ANK3: variants seen among roughly 807,000 people sequenced by gnomAD.
ANK3 encodes ankyrin 3.
Under a neutral mutation model 370.9 loss-of-function variants are expected in ANK3, and 57 were observed. That is an observed-to-expected ratio of 0.15 (90% confidence interval 0.12 to 0.19). The LOEUF (loss-of-function observed/expected upper bound fraction) is 0.19. Among genes scored for constraint, ANK3 ranks in the 10% least tolerant of loss-of-function variants. ANK3 has a pLI of 1.00. For missense variants in ANK3, 4,439 were observed against 5,302.1 expected (o/e 0.84, Z 5.06); for synonymous variants, 1,929 against 1,946.3 (o/e 0.99, Z 0.23).
intron 41 of ANK3, among the ~76,000 whole-genome samples, chr10:60,057,684 G>A (rs2079485248): frequency 6.6e-6 from 1 of 152,110 alleles, no homozygotes; most frequent in African/African-American, 2.4e-5. Flanking sequence ...ATGGAACCAG[G>A]GGATTCACTA....
chr10:60,257,756 T>C (rs986847927), intron 7 of ANK3, among the ~76,000 whole-genome samples: 3 of 152,210 alleles, frequency 2.0e-5, no homozygotes, highest in Non-Finnish European at 4.4e-5. Context: ...CTGTATATTT[T>C]AATCTGTAAA....
chr10:60,416,957 G>A (rs1321088787), intron 2 of ANK3, among the ~76,000 whole-genome samples: 1 of 152,108 alleles, frequency 6.6e-6, no homozygotes, highest in East Asian at 1.9e-4. Context: ...AGAGAAAATT[G>A]TACCAAGAAT....
In ANK3 at chr10:60,173,413, A is replaced by C. The variant is rs113016830; in HGVS notation, c.2185-227T>G. ...AATTGTTAGCTCCCCAAAGTGCTTT[A>C]TTTTTTATCAGGTCATCTTGTTCTT... On this transcript the variant is annotated intron_variant, in intron 18 of 43. Transcript: ENST00000280772. Among the ~76,000 whole-genome samples the C allele has an allele frequency of 1.3e-3, 203 of 152,256 alleles. 2 individuals carry two copies. The highest frequency in any genetic ancestry group is 4.5e-3 in the African/African-American group (185 of 41,558).
chr10:60,354,632 C>T (rs1439497473), intron 1 of ANK3, among the ~76,000 whole-genome samples: 1 of 152,082 alleles, frequency 6.6e-6, no homozygotes, highest in Non-Finnish European at 1.5e-5. Flanking sequence ...CTTGCAAATC[C>T]CAGAAATAAA....
chr10:60,464,016 T>A (rs1203389815), intron 2 of ANK3, among the ~76,000 whole-genome samples: 1 of 152,144 alleles, frequency 6.6e-6, no homozygotes, highest in Non-Finnish European at 1.5e-5. Flanking sequence ...CTGAAAAGAT[T>A]AGCATTGTTT....
chr10:60,139,165 G>A (rs1012422913), intron 23 of ANK3, 78 bp from the exon 24 acceptor site: 6 of 1,535,750 alleles, frequency 3.9e-6, no homozygotes, highest in African/African-American at 2.8e-5. Flanking sequence ...CACTCCTTTG[G>A]TTATCAGCAA....
At chr10:60,249,983 T>C (rs529337166) in intron 7 of ANK3, among the ~76,000 whole-genome samples, 3 of 152,374 alleles carry the variant, frequency 2.0e-5, no homozygotes, top group Admixed American at 1.3e-4. Flanking sequence ...ATCTATAAAA[T>C]TGTATATTTT....
Position 60,069,953 on chromosome 10 carries a change from G to A in ANK3, c.10928C>T (p.Ser3643Leu), listed in dbSNP as rs765024639. ...TTTATCCCCTTCCCCCTGGTCCCCT[G>A]ACTTCCCTTCAGAAGTATGCTCACC... is the stretch of plus-strand genomic sequence containing the variant. ...QIGEHTSEGK[S>L]GDQGEGDKSM... The change falls in exon 37 of 44, where the codon TCA (serine) becomes TTA (leucine). Residue 3643 changes from serine (S) to leucine (L), a missense_variant. Ser to Leu is a moderately radical substitution (Grantham distance 145). Coordinates refer to ENST00000280772, the MANE Select transcript of ANK3 (RefSeq NM_020987.5). 2.5e-6 allele frequency: 4 copies of A among 1,613,960 alleles called. No individual in the cohort carries two copies. The highest frequency in any genetic ancestry group is 1.6e-4 in the Middle Eastern group (1 of 6,080).
intron 1 of ANK3, among the ~76,000 whole-genome samples, chr10:60,378,635 AC>A (rs1566935415): frequency 6.6e-6 from 1 of 152,146 alleles, no homozygotes; most frequent in Non-Finnish European, 1.5e-5. Context: ...GGAAAATTGT[AC>A]ATCCATATGC....
At chr10:60,198,749 T>C (rs1313308247) in intron 13 of ANK3, among the ~76,000 whole-genome samples, 1 of 152,182 alleles carries the variant, frequency 6.6e-6, no homozygotes, top group African/African-American at 2.4e-5. Context: ...AGTGACTCAT[T>C]AATAAGAAAA....
In ANK3 at chr10:60,203,010, T is replaced by G. The variant is rs576470720; in HGVS notation, c.1384A>C (p.Thr462Pro). The change falls in exon 12 of 44, where the codon ACC becomes CCC. Residue 462 changes from threonine to proline, a missense_variant. Transcript: ENST00000280772. ...LMHHGASPNT[T>P]NVRGETALHM... ...GTTCAAAGAATACTTACCACATTGG[T>G]GGTGTTTGGTGAGGCTCCATGATGC... 11 of 1,610,036 alleles carry G rather than the reference T, an allele frequency of 6.8e-6. No homozygotes were observed. The South Asian group carries it at 1.2e-4, about 18-fold the overall frequency.
At chr10:60,181,276 G>GCAGTCACCAAATGGACACATTCTTTT in intron 18 of ANK3, 53 bp downstream of exon 18, 1 of 1,422,030 alleles carries the variant, frequency 7.0e-7, no homozygotes. Context: ...CTTCCTTACT[G>GCAGTCACCAAATGGACACATTCTTTT]CAGTCACCAA....
rs759616996 is a variant in ANK3 at position 60,344,441 on chromosome 10, CAGG to C, written c.114+44981_114+44983del. ...ATGCTATGGGAGTGCCTAGATTTCA[CAGG>C]AGATGTGAGCAATACAGACAACAGC... On this transcript the variant is annotated intron_variant, in intron 1 of 43. Coordinates refer to ENST00000280772, the MANE Select transcript of ANK3 (RefSeq NM_020987.5). 2.6e-5 allele frequency among the ~76,000 whole-genome samples: 4 copies of C among 152,226 alleles called. No homozygotes were observed. In the South Asian group the frequency reaches 6.2e-4, roughly 24 times the overall value.
chr10:60,368,898 G>A (rs2059747479), intron 1 of ANK3, among the ~76,000 whole-genome samples: 1 of 152,142 alleles, frequency 6.6e-6, no homozygotes, highest in African/African-American at 2.4e-5. Flanking sequence ...CCAACCTGGT[G>A]CTGGAAATCC....
chr10:60,186,462 C>A (rs1035396472), intron 17 of ANK3, among the ~76,000 whole-genome samples: 1 of 151,866 alleles, frequency 6.6e-6, no homozygotes, highest in African/African-American at 2.4e-5. Flanking sequence ...GCAGTCTACC[C>A]GCCTTGTCTT....
chr10:60,686,379 C>T (rs1435047675), intron 1 of ANK3, among the ~76,000 whole-genome samples: 4 of 152,172 alleles, frequency 2.6e-5, no homozygotes, highest in South Asian at 4.2e-4. Flanking sequence ...ATTTAGAAAC[C>T]TCATTATTTC....
At chr10:60,415,107 T>A (rs2063634797) in intron 2 of ANK3, among the ~76,000 whole-genome samples, 1 of 152,114 alleles carries the variant, frequency 6.6e-6, no homozygotes, top group South Asian at 2.1e-4. Flanking sequence ...GATTGTATTG[T>A]CAGCTGCCTA....
chr10:60,274,195 A>C (rs1429440585), intron 4 of ANK3, among the ~76,000 whole-genome samples: 4 of 152,096 alleles, frequency 2.6e-5, no homozygotes, highest in African/African-American at 9.7e-5. Context: ...GCTAGTCTCA[A>C]ATTCTGGCCT....
At chr10:60,671,151 A>C (rs1051907085) in intron 1 of ANK3, among the ~76,000 whole-genome samples, 5 of 152,218 alleles carry the variant, frequency 3.3e-5, no homozygotes, top group East Asian at 1.9e-4. Flanking sequence ...AAATCTAAAT[A>C]TAAATATACC....
Sources: allele counts gnomAD v4.1 joint callset (sites outside exome capture counted in the v4.1 genomes callset), GRCh38; gene constraint gnomAD v4.1.1; transcripts MANE v1.5; gene names NCBI Gene and HGNC (gene_info 2026-07-23, HGNC 2026-07-21).